PPP2R2B: variants seen among roughly 807,000 people sequenced by gnomAD.
PPP2R2B encodes the protein protein phosphatase 2 regulatory subunit Bbeta.
Under a neutral mutation model 46.0 loss-of-function variants are expected in PPP2R2B, and 5 were observed. The observed-to-expected ratio is 0.11, with a 90% confidence interval of 0.06 to 0.23. The LOEUF (loss-of-function observed/expected upper bound fraction) is 0.23. PPP2R2B is among the 10% of genes least tolerant of loss of function. The pLI, the probability that PPP2R2B is intolerant of heterozygous loss-of-function variation, is 1.00. For missense variants in PPP2R2B, 367 were observed against 575.0 expected, an observed-to-expected ratio of 0.64 and a Z score of 3.70; for synonymous variants, 215 against 206.7, an observed-to-expected ratio of 1.04 and a Z score of -0.34.
chr5:147,079,453 T>C (rs1038130000), intron 2 of PPP2R2B, among the ~76,000 whole-genome samples: 1 of 143,712 alleles, frequency 7.0e-6, no homozygotes, highest in Non-Finnish European at 1.5e-5. Flanking sequence ...TACATATATA[T>C]ATATATATAT....
At chr5:146,700,964 G>T in intron 3 of PPP2R2B, 81 bp downstream of exon 3, 1 of 1,265,636 alleles carries the variant, frequency 7.9e-7, no homozygotes, top group South Asian at 1.2e-5. Context: ...GGTTAAGGGC[G>T]ACACATAAGG....
At chr5:146,783,259 AGGTTACACT>A (rs1463059922) in intron 2 of PPP2R2B, among the ~76,000 whole-genome samples, 1 of 152,216 alleles carries the variant, frequency 6.6e-6, no homozygotes, top group East Asian at 1.9e-4. Flanking sequence ...TTTATGGCCC[AGGTTACACT>A]GCATAATCAG....
intron 5 of PPP2R2B, among the ~76,000 whole-genome samples, chr5:146,682,540 A>T (rs1263720895): frequency 2.0e-5 from 3 of 152,214 alleles, no homozygotes; most frequent in Non-Finnish European, 2.9e-5. Context: ...AGACATGAGC[A>T]TGTCACTATA....
At chr5:146,950,353 A>T (rs747194675) in intron 1 of PPP2R2B, among the ~76,000 whole-genome samples, 2 of 152,118 alleles carry the variant, frequency 1.3e-5, no homozygotes, top group Non-Finnish European at 2.9e-5. Context: ...ACCATTAAAA[A>T]AATGAATAGC....
intron 1 of PPP2R2B, among the ~76,000 whole-genome samples, chr5:147,006,900 C>T (rs779963171): frequency 3.9e-4 from 59 of 152,128 alleles, no homozygotes; most frequent in Non-Finnish European, 7.1e-4. Flanking sequence ...AAAAGGTTTC[C>T]AAAATCAGAC....
chr5:146,668,517 T>A (rs1369465713), intron 5 of PPP2R2B, among the ~76,000 whole-genome samples: 2 of 152,210 alleles, frequency 1.3e-5, no homozygotes, highest in Non-Finnish European at 2.9e-5. Context: ...CAAACCATAT[T>A]AGAGTAAGAA....
chr5:146,888,498 T>C (rs576162088), intron 1 of PPP2R2B, among the ~76,000 whole-genome samples: 3 of 152,134 alleles, frequency 2.0e-5, no homozygotes, highest in East Asian at 1.9e-4. Flanking sequence ...CAGTCTCTGA[T>C]CCTCCTTCAC....
At position 146,975,480 on chromosome 5, in the gene PPP2R2B, T is replaced by C. The variant is rs78130387; in HGVS notation, c.79+80185A>G. 8.9e-3 allele frequency among the ~76,000 whole-genome samples: 1,357 copies of C among 152,308 alleles called. 67 individuals are homozygous for C. In the East Asian group the frequency reaches 0.15, roughly 16 times the overall value. Reference sequence around the variant, plus strand: ...TGCTGTAAACATGGGTATGCAAATATGTCTTTGAGATCTTGCTTTTAATTT... The same window carrying C: ...TGCTGTAAACATGGGTATGCAAATACGTCTTTGAGATCTTGCTTTTAATTT... On this transcript the variant is annotated intron_variant, in intron 1 of 8. Coordinates refer to the PPP2R2B transcript ENST00000336640.
intron 1 of PPP2R2B, among the ~76,000 whole-genome samples, chr5:147,013,046 C>CA (rs1360187975): frequency 1.1e-4 from 17 of 151,184 alleles, no homozygotes; most frequent in African/African-American, 3.6e-4. Flanking sequence ...TCTCAGGATA[C>CA]AAAATCAACG....
intron 2 of PPP2R2B, chr5:146,751,510 T>C (rs928165258): frequency 1.2e-4 from 19 of 152,376 alleles, no homozygotes; most frequent in African/African-American, 4.6e-4. Context: ...TTGCAGCATA[T>C]CATGACTCAA....
rs1554140181 is a variant in PPP2R2B, at chr5:146,812,815, A to ATATGTATG, written c.70+65186_70+65187insCATACATA. 1.0e-3 allele frequency among the ~76,000 whole-genome samples: 36 copies of ATATGTATG among 35,636 alleles called. 8 individuals are homozygous for ATATGTATG. Among genetic ancestry groups the ATATGTATG allele is most frequent in the African/African-American group, 3.0e-3 (36 of 11,934 alleles). 23.4% of individuals were successfully genotyped at this position (35,636 alleles called of 152,430 possible). ...TGTGTATATATATATATATATATAT[A>ATATGTATG]TATATATATATATACACACACATTT... On this transcript the variant is annotated intron_variant, in intron 2 of 9. Transcript: ENST00000394411.
At chr5:146,973,287 C>A (rs1752749105) in intron 1 of PPP2R2B, among the ~76,000 whole-genome samples, 1 of 152,176 alleles carries the variant, frequency 6.6e-6, no homozygotes, top group African/African-American at 2.4e-5. Flanking sequence ...CAGCCCTGGA[C>A]AATTTAAATT....
At chr5:147,052,182 T>C (rs1756858405) in intron 1 of PPP2R2B, among the ~76,000 whole-genome samples, 1 of 152,160 alleles carries the variant, frequency 6.6e-6, no homozygotes, top group African/African-American at 2.4e-5. Context: ...CCTTAAAGTA[T>C]GGTTACAGAA....
In PPP2R2B at chr5:146,706,776, T is replaced by C. The variant is rs112645592; in HGVS notation, c.71-5634A>G. On this transcript the variant is annotated intron_variant, in intron 2 of 9. Coordinates refer to ENST00000394411, the MANE Select transcript of PPP2R2B (RefSeq NM_181675.4). ...AGCTCCTCATACTTGATCTGATACA[T>C]GCTCTCGGCCTCAGCCCGACTGCGG... 5.2e-4 allele frequency: 427 copies of C among 813,632 alleles called. 2 individuals carry two copies. In the African/African-American group the frequency reaches 6.1e-3, roughly 12 times the overall value. The allele number at this position is 813,632 out of a possible 1,614,324, so 50.4% of individuals were successfully genotyped here.
chr5:146,847,405 T>C (rs1158379399), intron 2 of PPP2R2B, among the ~76,000 whole-genome samples: 5 of 152,260 alleles, frequency 3.3e-5, no homozygotes, highest in Non-Finnish European at 7.3e-5. Context: ...TTTTGGTTTT[T>C]GGATTTTGCT....
intron 2 of PPP2R2B, among the ~76,000 whole-genome samples, chr5:146,711,058 C>G (rs890225941): frequency 1.3e-5 from 2 of 152,200 alleles, no homozygotes; most frequent in Non-Finnish European, 2.9e-5. Context: ...CATTGCTCCC[C>G]ATACTTTGCC....
At chr5:146,824,497 G>C (rs1192395924) in intron 2 of PPP2R2B, among the ~76,000 whole-genome samples, 2 of 152,090 alleles carry the variant, frequency 1.3e-5, no homozygotes, top group Non-Finnish European at 2.9e-5. Context: ...TTTTCATTTG[G>C]TTCTTATCAT....
At chr5:146,593,949 G>A (rs920246357) in intron 8 of PPP2R2B, among the ~76,000 whole-genome samples, 36 of 152,204 alleles carry the variant, frequency 2.4e-4, no homozygotes, top group African/African-American at 8.7e-4. Flanking sequence ...CTGGACCAGG[G>A]CATGAGCAGT....
intron 2 of PPP2R2B, among the ~76,000 whole-genome samples, chr5:147,064,176 C>T (rs79811240): frequency 0.021 from 3,239 of 152,312 alleles, 76 homozygotes; most frequent in African/African-American, 0.058. Flanking sequence ...AGTTCCTCTA[C>T]ATCTGGATTA....
Sources: allele counts gnomAD v4.1 joint callset (sites outside exome capture counted in the v4.1 genomes callset), GRCh38; gene constraint gnomAD v4.1.1; transcripts MANE v1.5; gene names NCBI Gene and HGNC (gene_info 2026-07-23, HGNC 2026-07-21).